The following FHIT variants were observed in gnomAD, a reference collection of about 807,000 sequenced individuals.
FHIT encodes fragile histidine triad diadenosine triphosphatase.
A neutral mutation model predicts 17.9 loss-of-function variants in FHIT; 19 were observed. The ratio of observed to expected loss-of-function variants is 1.06; its 90% confidence interval spans 0.74 to 1.56. The LOEUF is 1.56. FHIT is among the 40% of genes most tolerant of loss of function. The pLI, the probability that FHIT is intolerant of heterozygous loss-of-function variation, is 0.00. For synonymous variants in FHIT, 81 were observed against 69.7 expected (o/e 1.16, Z -0.81); for missense variants, 248 against 189.2 (o/e 1.31, Z -1.82).
intron 4 of FHIT, among the ~76,000 whole-genome samples, chr3:60,555,979 A>G (rs2036725302): frequency 6.6e-6 from 1 of 152,242 alleles, no homozygotes; most frequent in Non-Finnish European, 1.5e-5. Flanking sequence ...GCTCATTTAC[A>G]TACTGGCTAT....
At chr3:61,171,796 C>T (rs1055120181) in intron 2 of FHIT, among the ~76,000 whole-genome samples, 13 of 152,154 alleles carry the variant, frequency 8.5e-5, no homozygotes, top group Admixed American at 5.9e-4. Context: ...AAATGCAGAC[C>T]CTCAGGCCCC....
chr3:60,231,601 A>G (rs1704499690), intron 5 of FHIT, among the ~76,000 whole-genome samples: 1 of 152,196 alleles, frequency 6.6e-6, no homozygotes, highest in Non-Finnish European at 1.5e-5. Flanking sequence ...CAAGGCAGCC[A>G]TTTAATGCTT....
chr3:60,712,117 T>C (rs1456140525), intron 4 of FHIT, among the ~76,000 whole-genome samples: 1 of 152,164 alleles, frequency 6.6e-6, no homozygotes, highest in Admixed American at 6.5e-5. Flanking sequence ...GGGGCCAATA[T>C]TCAACATTCT....
At position 60,385,731 on chromosome 3, in the gene FHIT, C is replaced by T. The variant is rs371697988; in HGVS notation, c.103+151129G>A. ...AGTAGCTGGGAATAAAGGCATGCAC[C>T]GCCATACCCAGTGAATTTTTTTTTC... On this transcript the variant is annotated intron_variant, in intron 5 of 9. Transcript: ENST00000492590. Among the ~76,000 whole-genome samples the T allele has an allele frequency of 1.1e-4, 17 of 152,134 alleles. 1 individual carries two copies. Among genetic ancestry groups the T allele is most frequent in the South Asian group, 6.2e-4 (3 of 4,812 alleles).
At chr3:59,884,486 T>C (rs903831360) in intron 8 of FHIT, among the ~76,000 whole-genome samples, 1 of 152,138 alleles carries the variant, frequency 6.6e-6, no homozygotes, top group African/African-American at 2.4e-5. Context: ...ACTCAACTTT[T>C]CTAGGGACAA....
At chr3:61,051,152 C>A (rs188780891) in intron 2 of FHIT, among the ~76,000 whole-genome samples, 87 of 152,218 alleles carry the variant, frequency 5.7e-4, no homozygotes, top group African/African-American at 1.9e-3. Context: ...AAGAAAGAGA[C>A]CTGGAGATGA....
intron 5 of FHIT, among the ~76,000 whole-genome samples, chr3:60,094,969 T>C (rs1703881998): frequency 6.6e-6 from 1 of 152,220 alleles, no homozygotes; most frequent in Non-Finnish European, 1.5e-5. Context: ...CCTAGAGTCT[T>C]GATCATGATC....
intron 2 of FHIT, among the ~76,000 whole-genome samples, chr3:61,187,552 A>T (rs958937648): frequency 6.6e-6 from 1 of 152,224 alleles, no homozygotes; most frequent in Non-Finnish European, 1.5e-5. Context: ...GATATCCAGG[A>T]ATTGAACTCA....
intron 5 of FHIT, among the ~76,000 whole-genome samples, chr3:60,164,033 G>A (rs1352534957): frequency 6.6e-6 from 1 of 152,156 alleles, no homozygotes; most frequent in East Asian, 1.9e-4. Context: ...GGCATGCCTG[G>A]CTCAAAGCAG....
intron 5 of FHIT, among the ~76,000 whole-genome samples, chr3:60,264,879 C>T (rs1475817916): frequency 2.6e-5 from 4 of 151,852 alleles, no homozygotes; most frequent in African/African-American, 4.8e-5. Flanking sequence ...CTGCAAGGAG[C>T]GTTTTCTAAT....
intron 5 of FHIT, among the ~76,000 whole-genome samples, chr3:60,035,751 A>T (rs1200471477): frequency 3.3e-5 from 5 of 152,172 alleles, no homozygotes; most frequent in Non-Finnish European, 7.4e-5. Context: ...TCTCGCCAGC[A>T]CTTCAAGGTT....
chr3:59,996,876 T>G, intron 7 of FHIT, among the ~76,000 whole-genome samples: 1 of 152,116 alleles, frequency 6.6e-6, no homozygotes, highest in South Asian at 2.1e-4. Context: ...AACCCCTGTA[T>G]CACTCATCAG....
Position 60,372,204 on chromosome 3 carries a change from T to A in FHIT, c.103+164656A>T, listed in dbSNP as rs540676531. The stretch of plus-strand genomic sequence containing the variant: ...TTCCTAGCCTAAAAAGTCTGAGAAA[T>A]GTGGAATATTCCTACCTCCTTCTGT... On this transcript the variant is annotated intron_variant, in intron 5 of 9. Coordinates refer to ENST00000492590, the MANE Select transcript of FHIT (RefSeq NM_002012.4). Among the ~76,000 whole-genome samples the A allele has an allele frequency of 9.7e-4, 147 of 152,256 alleles. 1 individual carries two copies. The highest frequency in any genetic ancestry group is 3.3e-3 in the African/African-American group (136 of 41,564).
chr3:60,229,533 C>G (rs115502080), intron 5 of FHIT, among the ~76,000 whole-genome samples: 3 of 151,734 alleles, frequency 2.0e-5, no homozygotes, highest in Non-Finnish European at 2.9e-5. Context: ...AATTAAGGAA[C>G]AGGTGTACAC....
chr3:60,545,009 C>T (rs1369065469), intron 4 of FHIT, among the ~76,000 whole-genome samples: 5 of 151,962 alleles, frequency 3.3e-5, no homozygotes, highest in Admixed American at 6.6e-5. Context: ...TTAAACAAAA[C>T]TCTTTTGTCA....
intron 3 of FHIT, among the ~76,000 whole-genome samples, chr3:60,979,756 C>A (rs368902101): frequency 6.6e-6 from 1 of 152,190 alleles, no homozygotes; most frequent in African/African-American, 2.4e-5. Flanking sequence ...GCCATCACCC[C>A]CTCTGTCCCA....
At chr3:59,845,687 G>C (rs898345019) in intron 8 of FHIT, among the ~76,000 whole-genome samples, 4 of 152,064 alleles carry the variant, frequency 2.6e-5, no homozygotes, top group Non-Finnish European at 4.4e-5. Context: ...CTTCATTTGT[G>C]GCCTTGCATA....
intron 4 of FHIT, among the ~76,000 whole-genome samples, chr3:60,723,381 T>C (rs1335864853): frequency 6.6e-6 from 1 of 152,160 alleles, no homozygotes; most frequent in Non-Finnish European, 1.5e-5. Flanking sequence ...ATGACATTTT[T>C]CCTAAATTAT....
intron 5 of FHIT, among the ~76,000 whole-genome samples, chr3:60,241,538 G>GC (rs1553720960): frequency 6.6e-6 from 1 of 151,980 alleles, no homozygotes; most frequent in Non-Finnish European, 1.5e-5. Flanking sequence ...TTAATCTGTA[G>GC]TTTTTTTGCT....
Sources: allele counts gnomAD v4.1 joint callset (sites outside exome capture counted in the v4.1 genomes callset), GRCh38; gene constraint gnomAD v4.1.1; transcripts MANE v1.5; gene names NCBI Gene and HGNC (gene_info 2026-07-23, HGNC 2026-07-21).